Variants in ORC2 observed in about 807,000 individuals in gnomAD.
The protein encoded by ORC2 is origin recognition complex protein 2 homolog.
Under a neutral mutation model 77.7 loss-of-function variants are expected in ORC2, and 37 were observed. That is an observed-to-expected ratio of 0.48 (90% confidence interval 0.37 to 0.63). The LOEUF (loss-of-function observed/expected upper bound fraction) is 0.63, where lower values mean the gene tolerates loss of function less well. ORC2 is among the 20% of genes least tolerant of loss of function. ORC2 has a pLI of 0.00. For synonymous variants in ORC2, 201 were observed against 229.5 expected, an observed-to-expected ratio of 0.88 and a Z score of 1.12; for missense variants, 557 against 661.9, an observed-to-expected ratio of 0.84 and a Z score of 1.74.
intron 4 of ORC2, among the ~76,000 whole-genome samples, chr2:200,956,067 CT>C (rs1012370946): frequency 6.6e-6 from 1 of 151,914 alleles, no homozygotes; most frequent in African/African-American, 2.4e-5. Flanking sequence ...ATATAAATAT[CT>C]TTTTTTTGTT....
intron 5 of ORC2, among the ~76,000 whole-genome samples, chr2:200,947,550 T>C (rs2041271987): frequency 6.6e-6 from 1 of 152,256 alleles, no homozygotes; most frequent in African/African-American, 2.4e-5. Flanking sequence ...CTTTTTCAAC[T>C]ATTACATTTA....
chr2:200,937,171 T>C (rs964916846), intron 8 of ORC2, among the ~76,000 whole-genome samples: 2 of 152,062 alleles, frequency 1.3e-5, no homozygotes, highest in Non-Finnish European at 2.9e-5. Flanking sequence ...TTTGTGGTGA[T>C]TAAGAAGGAA....
chr2:200,947,734 T>TTTTTTG, intron 5 of ORC2, among the ~76,000 whole-genome samples: 1 of 151,990 alleles, frequency 6.6e-6, no homozygotes, highest in Non-Finnish European at 1.5e-5. Flanking sequence ...GCCATCTGAT[T>TTTTTTG]TTTTTGTTTT....
chr2:200,948,946 A>T (rs2041299458), intron 5 of ORC2, among the ~76,000 whole-genome samples: 1 of 152,104 alleles, frequency 6.6e-6, no homozygotes, highest in African/African-American at 2.4e-5. Context: ...TTTGTGAAGA[A>T]ACTAAGCTAT....
chr2:200,956,715 T>A lies in ORC2; in HGVS notation c.238+686A>T, dbSNP rs148783826. Among the ~76,000 whole-genome samples, 53 of 152,234 alleles carry A rather than the reference T, an allele frequency of 3.5e-4. No homozygotes were observed. In the East Asian group the frequency reaches 9.8e-3, roughly 28 times the overall value. On this transcript the variant is annotated intron_variant, in intron 4 of 17. Coordinates refer to ENST00000234296, the MANE Select transcript of ORC2 (RefSeq NM_006190.5). ...TGAACCCAGAAGTTGGAGGCTACAA[T>A]GAGCTATGATTGTGCCATGGCATCC...
chr2:200,963,164 G>T, intron 1 of ORC2: 1 of 318,666 alleles, frequency 3.1e-6, no homozygotes, highest in Non-Finnish European at 5.7e-6. Context: ...TTGCACAAAA[G>T]GCCTATAACT....
chr2:200,957,673 T>A (rs2041495740), intron 3 of ORC2, 129 bp from the exon 4 acceptor site: 2 of 622,456 alleles, frequency 3.2e-6, no homozygotes, highest in South Asian at 8.1e-5. Flanking sequence ...TCTCTTTGAT[T>A]AAAACTGACC....
At chr2:200,949,332 T>C (rs2041309018) in intron 5 of ORC2, among the ~76,000 whole-genome samples, 1 of 151,626 alleles carries the variant, frequency 6.6e-6, no homozygotes, top group Admixed American at 6.6e-5. Flanking sequence ...GCTTATAATC[T>C]AGCTGAAAAC....
intron 6 of ORC2, among the ~76,000 whole-genome samples, chr2:200,941,763 G>A (rs572452428): frequency 6.6e-6 from 1 of 152,332 alleles, no homozygotes; most frequent in African/African-American, 2.4e-5. Context: ...AAGGCAGGAG[G>A]ATCGCTTGAG....
At chr2:200,939,082 C>T (rs2041101389) in intron 7 of ORC2, among the ~76,000 whole-genome samples, 1 of 151,434 alleles carries the variant, frequency 6.6e-6, no homozygotes, top group Non-Finnish European at 1.5e-5. Flanking sequence ...AATAACTGAG[C>T]TAATCCCTTA....
intron 1 of ORC2, among the ~76,000 whole-genome samples, chr2:200,960,659 C>A (rs1264019689): frequency 6.6e-6 from 1 of 152,196 alleles, no homozygotes; most frequent in Non-Finnish European, 1.5e-5. Flanking sequence ...ATGTCCCCAA[C>A]TTACAAATGA....
intron 4 of ORC2, among the ~76,000 whole-genome samples, chr2:200,955,554 T>C (rs1162469295): frequency 2.6e-5 from 4 of 152,228 alleles, no homozygotes; most frequent in Admixed American, 6.5e-5. Flanking sequence ...GAATCTAGAA[T>C]GGGAGAACTG....
At chr2:200,922,966 G>A (rs917421823) in intron 13 of ORC2, among the ~76,000 whole-genome samples, 1 of 152,008 alleles carries the variant, frequency 6.6e-6, no homozygotes, top group African/African-American at 2.4e-5. Flanking sequence ...AAATAATAAG[G>A]TTGAAAGAAC....
chr2:200,936,029 G>A (rs2041040281), intron 8 of ORC2, 137 bp from the exon 9 acceptor site: 1 of 601,610 alleles, frequency 1.7e-6, no homozygotes, highest in East Asian at 3.0e-5. Context: ...GATTTCACCA[G>A]AGCTAATTAA....
At chr2:200,926,676 C>A in intron 12 of ORC2, 92 bp downstream of exon 12, 1 of 1,354,710 alleles carries the variant, frequency 7.4e-7, no homozygotes, top group South Asian at 1.3e-5. Flanking sequence ...AAGGCTAAAA[C>A]AAAAATTCTT....
intron 14 of ORC2, 92 bp from the exon 15 acceptor site, chr2:200,920,485 A>C (rs1040270641): frequency 2.8e-6 from 3 of 1,063,152 alleles, no homozygotes; most frequent in African/African-American, 3.2e-5. Flanking sequence ...AGAAAGGATT[A>C]AATAAAAATG....
At chr2:200,953,084 G>A (rs536967524) in intron 4 of ORC2, among the ~76,000 whole-genome samples, 2 of 142,038 alleles carry the variant, frequency 1.4e-5, no homozygotes, top group Admixed American at 7.4e-5. Flanking sequence ...CTGCACTCCA[G>A]CCTAGGTGAC....
chr2:200,931,498 G>T, intron 10 of ORC2, 50 bp from the exon 11 acceptor site: 1 of 939,838 alleles, frequency 1.1e-6, no homozygotes, highest in Non-Finnish European at 1.6e-6. Flanking sequence ...AGCACAGACA[G>T]CAAATCAATC....
At chr2:200,917,633 C>T (rs377481090) in intron 15 of ORC2, among the ~76,000 whole-genome samples, 3 of 152,182 alleles carry the variant, frequency 2.0e-5, no homozygotes, top group East Asian at 3.9e-4. Flanking sequence ...CTTACACACA[C>T]GAGTGCAGCA....
Sources: gnomAD v4.1 joint callset for allele counts (sites outside exome capture counted in the v4.1 genomes callset) on GRCh38, gnomAD v4.1.1 for gene constraint, MANE v1.5 for transcripts, NCBI Gene and HGNC (gene_info 2026-07-23, HGNC 2026-07-21) for gene names.